The following KRAS variants were observed in gnomAD, a reference collection of about 807,000 sequenced individuals.
KRAS encodes GTPase KRas.
In KRAS, 1 loss-of-function variant was observed where a neutral mutation model predicts 21.0. That is an observed-to-expected ratio of 0.05 (90% CI 0.02 to 0.23). KRAS has a LOEUF of 0.23. Ranked by LOEUF, KRAS falls within the 10% of genes least tolerant of loss-of-function variation. KRAS has a pLI of 1.00. For missense variants in KRAS, 107 were observed against 221.8 expected (o/e 0.48, Z 3.29); for synonymous variants, 67 against 72.5 (o/e 0.92, Z 0.39).
chr12:25,209,238 G>T lies in KRAS; in HGVS notation c.*557C>A. The T allele has an allele frequency of 1.5e-6, 1 of 684,094 alleles. No individual in the cohort carries two copies. The highest frequency in any genetic ancestry group is 2.7e-6 in the Non-Finnish European group (1 of 375,722). 42.4% of individuals were successfully genotyped at this position (684,094 alleles called of 1,614,324 possible). ...GGGAGAGTGACCATGACTAATAGCA[G>T]TGGAAAGGAGACAAAACCTTTGTGA... On this transcript the variant is annotated 3_prime_UTR_variant, in exon 5 of 5. Coordinates refer to ENST00000311936, the MANE Select transcript of KRAS (RefSeq NM_004985.5).
rs527326817 is a variant in KRAS, at chr12:25,250,906, T to C, written c.-167A>G. 5 of 246,040 alleles carry C rather than the reference T, an allele frequency of 2.0e-5. No homozygotes were observed. The highest frequency in any genetic ancestry group is 3.1e-5 in the Non-Finnish European group (4 of 130,596). The allele number at this position is 246,040 out of a possible 1,614,324, so 15.2% of individuals were successfully genotyped here. On this transcript the variant is annotated 5_prime_UTR_variant, in exon 1 of 5. Coordinates refer to ENST00000311936, the MANE Select transcript of KRAS (RefSeq NM_004985.5). Reference sequence around the variant, plus strand: ...CGCCACTGCCGCCGCCGCTGCTGCCTCCGCCGCCGCGGCCGCCGCCTAGGA... The same window carrying C: ...CGCCACTGCCGCCGCCGCTGCTGCCCCCGCCGCCGCGGCCGCCGCCTAGGA...
intron 4 of KRAS, among the ~76,000 whole-genome samples, chr12:25,217,758 T>C (rs144645337): frequency 3.3e-5 from 5 of 152,226 alleles, no homozygotes; most frequent in African/African-American, 1.2e-4. Context: ...ATTAGGCATG[T>C]TGGCATGAGC....
chr12:25,225,442 G>A (rs1951380117), intron 4 of KRAS, 172 bp downstream of exon 4: 1 of 622,374 alleles, frequency 1.6e-6, no homozygotes, highest in African/African-American at 1.9e-5. Context: ...GCCAAAAGCA[G>A]TACCATGGAC....
In KRAS at chr12:25,209,773, A is replaced by C; in HGVS notation, c.*22T>G. On this transcript the variant is annotated 3_prime_UTR_variant, in exon 5 of 5. Coordinates refer to ENST00000311936, the MANE Select transcript of KRAS (RefSeq NM_004985.5). ...ATTACCACTTGTACTAGTATGCCTT[A>C]AGAAAAAAGTACAAATTGTATTTAC... The C allele has an allele frequency of 6.2e-7, 1 of 1,605,418 alleles. No individual in the cohort carries two copies. The highest frequency in any genetic ancestry group is 8.5e-7 in the Non-Finnish European group (1 of 1,174,138).
intron 4 of KRAS, among the ~76,000 whole-genome samples, chr12:25,217,620 C>T (rs1435946336): frequency 6.6e-6 from 1 of 152,150 alleles, no homozygotes; most frequent in African/African-American, 2.4e-5. Flanking sequence ...AAGTTAGATA[C>T]CCACTTACAC....
chr12:25,214,780 C>A (rs563154735), intron 4 of KRAS, among the ~76,000 whole-genome samples: 16 of 152,236 alleles, frequency 1.1e-4, no homozygotes, highest in Non-Finnish European at 1.3e-4. Flanking sequence ...AACAGTCCAA[C>A]AAGAAATGAT....
chr12:25,221,824 TACA>T (rs1408755732), intron 4 of KRAS, among the ~76,000 whole-genome samples: 2 of 151,970 alleles, frequency 1.3e-5, no homozygotes, highest in Non-Finnish European at 2.9e-5. Flanking sequence ...GCCGATAAAA[TACA>T]ACAAGGATAT....
chr12:25,231,593 T>C (rs1436366936), intron 2 of KRAS, among the ~76,000 whole-genome samples: 1 of 152,144 alleles, frequency 6.6e-6, no homozygotes, highest in African/African-American at 2.4e-5. Flanking sequence ...CAGTCCCCTA[T>C]TCACTGATAA....
chr12:25,249,027 T>C (rs1421316556), intron 1 of KRAS, among the ~76,000 whole-genome samples: 1 of 152,242 alleles, frequency 6.6e-6, no homozygotes, highest in African/African-American at 2.4e-5. Context: ...TTATAACTTA[T>C]TTGTAAAATG....
At chr12:25,212,666 T>G (rs1951210948) in intron 4 of KRAS, among the ~76,000 whole-genome samples, 1 of 152,220 alleles carries the variant, frequency 6.6e-6, no homozygotes, top group African/African-American at 2.4e-5. Flanking sequence ...ATATGAGAAC[T>G]AATCATTCTC....
At chr12:25,210,155 G>A (rs946992058) in intron 4 of KRAS, among the ~76,000 whole-genome samples, 3 of 152,106 alleles carry the variant, frequency 2.0e-5, no homozygotes, top group African/African-American at 7.2e-5. Flanking sequence ...CAATGGCACA[G>A]AATTTTAAAT....
Position 25,224,333 on chromosome 12 carries a change from G to C in KRAS, c.450+1281C>G, listed in dbSNP as rs1270498262. On this transcript the variant is annotated intron_variant, in intron 4 of 4. Transcript: ENST00000311936. ...TGAAGATCTTCCAGTGGGACAAGAT[G>C]TGGAAGTGGAAGACAATGATATTGA... Among the ~76,000 whole-genome samples, 3 of 152,204 alleles carry C rather than the reference G, an allele frequency of 2.0e-5. No homozygotes were observed. The South Asian group carries it at 6.2e-4, about 32-fold the overall frequency.
chr12:25,237,161 G>A (rs1431471793), intron 2 of KRAS, among the ~76,000 whole-genome samples: 1 of 152,146 alleles, frequency 6.6e-6, no homozygotes, highest in Non-Finnish European at 1.5e-5. Context: ...ACGTCTGTAC[G>A]ATTCTCTTTA....
chr12:25,240,234 TAA>T (rs1217396385), intron 2 of KRAS, among the ~76,000 whole-genome samples: 1 of 152,144 alleles, frequency 6.6e-6, no homozygotes, highest in African/African-American at 2.4e-5. Context: ...TAATAATGGT[TAA>T]GAGACGCCAG....
chr12:25,213,994 A>T (rs945979514), intron 4 of KRAS, among the ~76,000 whole-genome samples: 3 of 152,234 alleles, frequency 2.0e-5, no homozygotes, highest in African/African-American at 7.2e-5. Flanking sequence ...GCTGTCAAGT[A>T]ATATAGGAAT....
At chr12:25,226,198 A>C (rs1006214107) in intron 3 of KRAS, among the ~76,000 whole-genome samples, 5 of 152,204 alleles carry the variant, frequency 3.3e-5, no homozygotes, top group African/African-American at 1.2e-4. Context: ...TCAAAAAACA[A>C]AGTGGACAAC....
At chr12:25,240,404 A>G (rs1031733856) in intron 2 of KRAS, among the ~76,000 whole-genome samples, 2 of 152,214 alleles carry the variant, frequency 1.3e-5, no homozygotes, top group Admixed American at 1.3e-4. Context: ...TATTCTGAGG[A>G]AAAAAATCCA....
At chr12:25,223,121 A>G (rs1046632917) in intron 4 of KRAS, among the ~76,000 whole-genome samples, 4 of 152,200 alleles carry the variant, frequency 2.6e-5, no homozygotes, top group East Asian at 1.9e-4. Flanking sequence ...CAACCCCTTA[A>G]AACATTATGC....
Position 25,206,420 on chromosome 12 carries a change from CTTT to C in KRAS, c.*3372_*3374del, listed in dbSNP as rs1469322207. The C allele has an allele frequency of 4.9e-6, 1 of 203,604 alleles. No individual in the cohort carries two copies. The highest frequency in any genetic ancestry group is 2.3e-5 in the African/African-American group (1 of 43,852). The allele number at this position is 203,604 out of a possible 1,614,324, so 12.6% of individuals were successfully genotyped here. A position where few individuals can be genotyped will look rare whatever the true frequency, so the allele number is the denominator to read the frequency against. On this transcript the variant is annotated 3_prime_UTR_variant, in exon 5 of 5. Coordinates refer to ENST00000311936, the MANE Select transcript of KRAS (RefSeq NM_004985.5). ...AAAAAACTTCAACAAGGATTTTTGT[CTTT>C]AAGGCTGTAATAATTAGGTAACATT...
Sources: allele counts gnomAD v4.1 joint callset (sites outside exome capture counted in the v4.1 genomes callset), GRCh38; gene constraint gnomAD v4.1.1; transcripts MANE v1.5; gene names NCBI Gene and HGNC (gene_info 2026-07-23, HGNC 2026-07-21).